The following ATP2B2 variants were observed in gnomAD, a reference collection of about 807,000 sequenced individuals.
ATP2B2 encodes ATPase plasma membrane Ca2+ transporting 2.
In ATP2B2, 15 loss-of-function variants were observed where a neutral mutation model predicts 120.0. That is an observed-to-expected ratio of 0.12 (90% confidence interval 0.08 to 0.19). The LOEUF is 0.19. ATP2B2 is among the 10% of genes least tolerant of loss of function. The pLI is 1.00. For synonymous variants in ATP2B2, 694 were observed against 700.3 expected, an observed-to-expected ratio of 0.99 and a Z score of 0.14; for missense variants, 1,045 against 1,719.8, an observed-to-expected ratio of 0.61 and a Z score of 6.94.
chr3:10,407,233 C>T (rs1459932328), intron 3 of ATP2B2, among the ~76,000 whole-genome samples: 1 of 152,188 alleles, frequency 6.6e-6, no homozygotes, highest in Non-Finnish European at 1.5e-5. Context: ...GAGCTCAGGG[C>T]TGAGGATGTC....
At chr3:10,623,553 AG>A (rs35076690) in intron 1 of ATP2B2, among the ~76,000 whole-genome samples, 27,989 of 152,186 alleles carry the variant, frequency 0.18, 2,983 homozygotes, top group East Asian at 0.47. Context: ...GCTTCATTGA[AG>A]ATGAAAATAC....
intron 1 of ATP2B2, among the ~76,000 whole-genome samples, chr3:10,687,193 G>GGTA (rs576953156): frequency 9.4e-4 from 143 of 152,280 alleles, no homozygotes; most frequent in African/African-American, 3.3e-3. Context: ...TGCTGCCTTG[G>GGTA]GTAGCCACTT....
intron 1 of ATP2B2, among the ~76,000 whole-genome samples, chr3:10,678,572 G>A (rs2071303913): frequency 6.6e-6 from 1 of 152,216 alleles, no homozygotes; most frequent in African/African-American, 2.4e-5. Flanking sequence ...GAGCATGGAA[G>A]GCTTGTCTGT....
chr3:10,561,844 T>C (rs764192993), intron 2 of ATP2B2, among the ~76,000 whole-genome samples: 2 of 152,210 alleles, frequency 1.3e-5, no homozygotes, highest in Non-Finnish European at 2.9e-5. Context: ...CTCTTTCCTT[T>C]ATAAATTACC....
At chr3:10,577,822 G>A (rs574126742) in intron 2 of ATP2B2, among the ~76,000 whole-genome samples, 27 of 152,218 alleles carry the variant, frequency 1.8e-4, no homozygotes, top group Non-Finnish European at 3.1e-4. Flanking sequence ...TGTGCCAGAG[G>A]AGGATGAGCA....
intron 3 of ATP2B2, among the ~76,000 whole-genome samples, chr3:10,409,994 T>C (rs1028666213): frequency 2.6e-5 from 4 of 152,202 alleles, no homozygotes; most frequent in Non-Finnish European, 5.9e-5. Flanking sequence ...CAGCCATCCC[T>C]GGACTCTGGA....
chr3:10,375,267 C>T lies in ATP2B2; in HGVS notation c.1416+163G>A, dbSNP rs1407300190. 2.0e-5 allele frequency among the ~76,000 whole-genome samples: 3 copies of T among 152,114 alleles called. No individual in the cohort carries two copies. Among genetic ancestry groups the T allele is most frequent in the East Asian group, 1.9e-4 (1 of 5,188 alleles). ...TACAGGCCCCTGGACTCTATGAAAG[C>T]GTCAGAGTTTTGGGGTCCTGCATAC... On this transcript the variant is annotated intron_variant, in intron 11 of 22. Coordinates refer to ENST00000360273, the MANE Select transcript of ATP2B2 (RefSeq NM_001001331.4). The surrounding 1 kb of genome is among the most constrained non-coding windows in gnomAD (Gnocchi z 4.2).
intron 1 of ATP2B2, among the ~76,000 whole-genome samples, chr3:10,670,426 T>C (rs1326874030): frequency 6.6e-6 from 1 of 152,138 alleles, no homozygotes; most frequent in Non-Finnish European, 1.5e-5. Context: ...TTTGTTGTTG[T>C]TGTTGTTTTA....
intron 2 of ATP2B2, among the ~76,000 whole-genome samples, chr3:10,556,034 G>T (rs1333937818): frequency 1.3e-5 from 2 of 152,182 alleles, no homozygotes; most frequent in African/African-American, 2.4e-5. Flanking sequence ...GAGTAGCTGG[G>T]ATTACAGGCA....
At chr3:10,564,847 G>A (rs536286539) in intron 2 of ATP2B2, among the ~76,000 whole-genome samples, 1 of 152,102 alleles carries the variant, frequency 6.6e-6, no homozygotes, top group Non-Finnish European at 1.5e-5. Flanking sequence ...ATTTCCTATT[G>A]TTCTCTCAAA....
chr3:10,642,699 A>C (rs1575586424), intron 1 of ATP2B2, among the ~76,000 whole-genome samples: 1 of 151,932 alleles, frequency 6.6e-6, no homozygotes, highest in East Asian at 1.9e-4. Flanking sequence ...AAAAAAAAAA[A>C]AGGTACGGCA....
intron 1 of ATP2B2, among the ~76,000 whole-genome samples, chr3:10,648,778 A>T (rs111328270): frequency 0.013 from 2,009 of 152,202 alleles, 39 homozygotes; most frequent in African/African-American, 0.045. Flanking sequence ...AAATCCTACC[A>T]GTTTTCCATC....
chr3:10,544,841 A>T (rs2067510895), intron 2 of ATP2B2, among the ~76,000 whole-genome samples: 1 of 152,214 alleles, frequency 6.6e-6, no homozygotes, highest in South Asian at 2.1e-4. Context: ...ACTTCAAGCT[A>T]TATTTGCTCA....
intron 2 of ATP2B2, among the ~76,000 whole-genome samples, chr3:10,563,072 CCTTT>C (rs1462231180): frequency 1.2e-3 from 182 of 152,276 alleles, no homozygotes; most frequent in African/African-American, 4.2e-3. Context: ...TGACACAAGT[CCTTT>C]CTGTTTTTCC....
intron 1 of ATP2B2, among the ~76,000 whole-genome samples, chr3:10,658,602 C>T: frequency 6.6e-6 from 1 of 151,982 alleles, no homozygotes; most frequent in Admixed American, 6.5e-5. Flanking sequence ...TGTGAAAAGA[C>T]CAAATCTACA....
At position 10,449,587 on chromosome 3, in the gene ATP2B2, T is replaced by C; in HGVS notation, c.-44A>G. The C allele has an allele frequency of 3.1e-6, 5 of 1,609,680 alleles. No homozygotes were observed. The highest frequency in any genetic ancestry group is 4.3e-6 in the Non-Finnish European group (5 of 1,176,160). ...TCGGGCTGGGCCCAAGGGTCAGCGC[T>C]GGACAAGAGGCTGCCGGGTGATGGC... is the stretch of plus-strand genomic sequence containing the variant. On this transcript the variant is annotated 5_prime_UTR_variant, in exon 2 of 23. Coordinates refer to ENST00000360273, the MANE Select transcript of ATP2B2 (RefSeq NM_001001331.4).
At chr3:10,403,301 A>T (rs2062291859) in intron 3 of ATP2B2, among the ~76,000 whole-genome samples, 1 of 152,214 alleles carries the variant, frequency 6.6e-6, no homozygotes, top group South Asian at 2.1e-4. Context: ...CTTGAGCTGC[A>T]GGCCGCTTGT....
intron 2 of ATP2B2, among the ~76,000 whole-genome samples, chr3:10,580,914 C>T (rs1172694940): frequency 1.3e-5 from 2 of 152,262 alleles, no homozygotes. Flanking sequence ...ATCATTGCGA[C>T]AGAAGTCATC....
intron 2 of ATP2B2, among the ~76,000 whole-genome samples, chr3:10,579,188 C>T (rs371260460): frequency 2.0e-5 from 3 of 152,212 alleles, no homozygotes; most frequent in South Asian, 2.1e-4. Flanking sequence ...GCTCAACCAA[C>T]GATTGCTAAA....
Sources: allele counts gnomAD v4.1 joint callset (sites outside exome capture counted in the v4.1 genomes callset), GRCh38; gene constraint gnomAD v4.1.1; non-coding constraint Gnocchi (gnomAD v3.1); transcripts MANE v1.5; gene names NCBI Gene and HGNC (gene_info 2026-07-23, HGNC 2026-07-21).